BRSK2: variants seen among roughly 807,000 people sequenced by gnomAD.
The protein encoded by BRSK2 is serine/threonine-protein kinase BRSK2.
Under a neutral mutation model 83.3 loss-of-function variants are expected in BRSK2, and 19 were observed. The observed-to-expected ratio is 0.23, with a 90% CI of 0.16 to 0.33. The LOEUF is 0.33. BRSK2 is among the 10% of genes least tolerant of loss of function. The probability of loss-of-function intolerance (pLI) is 1.00; values close to 1 mark genes in which losing one functional copy is unlikely to be tolerated. For missense variants in BRSK2, 798 were observed against 1,042.3 expected, an observed-to-expected ratio of 0.77 and a Z score of 3.23; for synonymous variants, 519 against 435.4, an observed-to-expected ratio of 1.19 and a Z score of -2.39.
intron 1 of BRSK2, among the ~76,000 whole-genome samples, chr11:1,408,972 GTGTGTGTGTGTGTGTA>G: frequency 7.8e-6 from 1 of 128,202 alleles, no homozygotes; most frequent in African/African-American, 2.8e-5. Context: ...GTGCAGGTGT[GTGTGTGTGTGTGTGTA>G]TGTCTGTGCA....
At chr11:1,447,988 GC>G in intron 12 of BRSK2, 2 of 993,774 alleles carry the variant, frequency 2.0e-6, no homozygotes, top group Non-Finnish European at 3.0e-6. Flanking sequence ...CTGCGGTGAA[GC>G]CAGCCAGCAA....
intron 1 of BRSK2, among the ~76,000 whole-genome samples, chr11:1,413,302 C>G (rs1256759550): frequency 6.6e-6 from 1 of 152,124 alleles, no homozygotes; most frequent in South Asian, 2.1e-4. Context: ...AGGAGACCCT[C>G]CCTCTGGCCC....
rs2133241783 is a variant in BRSK2 at position 1,454,675 on chromosome 11, T to C, written c.1668+67T>C. On this transcript the variant is annotated intron_variant, in intron 16 of 19. Transcript: ENST00000528841. This position sits in a 1 kb window ranked among gnomAD's most constrained non-coding sequence, Gnocchi z 5.2. The stretch of plus-strand genomic sequence containing the variant: ...ACCCCACACGGCCCAGCCCCGAGAA[T>C]CCAGCCTCCTCACGTAGACAGGACA... The C allele has an allele frequency of 6.3e-7, 1 of 1,582,718 alleles. No individual in the cohort carries two copies. The highest frequency in any genetic ancestry group is 1.3e-5 in the African/African-American group (1 of 74,362).
Position 1,406,794 on chromosome 11 carries a change from C to CTGCAGCT in BRSK2, c.91+16422_91+16428dup, listed in dbSNP as rs1438468159. Among the ~76,000 whole-genome samples, 180 of 152,292 alleles carry CTGCAGCT rather than the reference C, an allele frequency of 1.2e-3. 2 individuals are homozygous for CTGCAGCT. The highest frequency in any genetic ancestry group is 4.3e-3 in the African/African-American group (178 of 41,568). On this transcript the variant is annotated intron_variant, in intron 1 of 19. Transcript: ENST00000528841. ...GTGGTGGGGCTGGCAGGGTGTCAGC[C>CTGCAGCT]TGCAGCTTGGAAAAGAGGAGCCCAG...
At chr11:1,402,835 C>T (rs574865035) in intron 1 of BRSK2, among the ~76,000 whole-genome samples, 30 of 152,264 alleles carry the variant, frequency 2.0e-4, no homozygotes, top group Non-Finnish European at 4.3e-4. Flanking sequence ...GCGGGAGCGG[C>T]GCTGAGCTCG....
intron 1 of BRSK2, among the ~76,000 whole-genome samples, chr11:1,424,035 T>C (rs1848923188): frequency 6.6e-6 from 1 of 152,146 alleles, no homozygotes; most frequent in African/African-American, 2.4e-5. Context: ...ATCCATAACT[T>C]AGAAACCTCT....
At chr11:1,456,227 G>A in intron 16 of BRSK2, 121 bp from the exon 17 acceptor site, 1 of 1,074,842 alleles carries the variant, frequency 9.3e-7, no homozygotes, top group Non-Finnish European at 1.3e-6. Flanking sequence ...CACGGAAGCA[G>A]AGGTGCCTGG....
intron 16 of BRSK2, among the ~76,000 whole-genome samples, chr11:1,456,095 C>T (rs960348191): frequency 3.9e-5 from 6 of 152,206 alleles, no homozygotes; most frequent in Non-Finnish European, 8.8e-5. Context: ...TGTGCTGTGG[C>T]TGCCTGAGAA....
Position 1,390,959 on chromosome 11 carries a change from A to G in BRSK2, c.91+584A>G, listed in dbSNP as rs1438334019. On this transcript the variant is annotated intron_variant, in intron 1 of 19. Coordinates refer to ENST00000528841, the MANE Select transcript of BRSK2 (RefSeq NM_001256627.2). This position sits in a 1 kb window ranked among gnomAD's most constrained non-coding sequence, Gnocchi z 6.8. Reference sequence around the variant, plus strand: ...GGCTCGGGCGGGCGGAGCGTCTGTGACCTGCATTCCCACGGGGCAGGGAGA... The same window carrying G: ...GGCTCGGGCGGGCGGAGCGTCTGTGGCCTGCATTCCCACGGGGCAGGGAGA... 6.6e-6 allele frequency among the ~76,000 whole-genome samples: 1 copy of G among 152,120 alleles called. No homozygotes were observed. Among genetic ancestry groups the G allele is most frequent in the African/African-American group, 2.4e-5 (1 of 41,440 alleles).
chr11:1,450,898 G>A (rs1845740444), intron 14 of BRSK2, 104 bp downstream of exon 14: 6 of 1,164,108 alleles, frequency 5.2e-6, no homozygotes, highest in Non-Finnish European at 7.1e-6. Context: ...GGGGCCTGTA[G>A]CTGCAGGGGT....
At chr11:1,409,940 C>T (rs1409057864) in intron 1 of BRSK2, 3 of 130,834 alleles carry the variant, frequency 2.3e-5, no homozygotes, top group Admixed American at 7.8e-5. Context: ...ACGTCGGCCT[C>T]GCAGAGCGGT....
chr11:1,417,373 G>A (rs1848198008), intron 1 of BRSK2, among the ~76,000 whole-genome samples: 1 of 152,202 alleles, frequency 6.6e-6, no homozygotes, highest in African/African-American at 2.4e-5. Context: ...CCACGCTGCT[G>A]TTCAGCCAAT....
At chr11:1,414,728 C>T (rs1054262138) in intron 1 of BRSK2, among the ~76,000 whole-genome samples, 7 of 152,220 alleles carry the variant, frequency 4.6e-5, no homozygotes, top group Non-Finnish European at 7.3e-5. Flanking sequence ...AGGGACCCTG[C>T]GCCACACGTT....
Position 1,456,369 on chromosome 11 carries a change from G to A in BRSK2, c.1690G>A (p.Val564Ile), listed in dbSNP as rs773917255. The A allele has an allele frequency of 3.2e-6, 5 of 1,579,000 alleles. No individual in the cohort carries two copies. The highest frequency in any genetic ancestry group is 3.4e-6 in the Non-Finnish European group (4 of 1,163,312). ...FLSIPSLSHS[V>I]ISQTSFRAEY... ...ACAGATTCCCAGTCTCAGCCACAGC[G>A]TCATCTCCCAAACGAGCTTCCGGGC... is the stretch of plus-strand genomic sequence containing the variant. Residue 564 changes from valine (V) to isoleucine (I), a missense_variant, in exon 17 of 20, where the codon GTC (valine) becomes ATC (isoleucine). This residue lies in a region of BRSK2 where 455 missense variants were observed against 455.2 expected (regional missense o/e 1.00). Coordinates refer to ENST00000528841, the MANE Select transcript of BRSK2 (RefSeq NM_001256627.2).
Position 1,460,932 on chromosome 11 carries a change from G to A in BRSK2, c.*209G>A. On this transcript the variant is annotated 3_prime_UTR_variant, in exon 20 of 20. Transcript: ENST00000528841. ...TTTCTCTCTGTCTCTGCCTCTGCCT[G>A]TCTCTGACAGCATCGCTTGTTTCCA... 6.2e-7 allele frequency: 1 copy of A among 1,612,150 alleles called. No individual in the cohort carries two copies. The highest frequency in any genetic ancestry group is 1.1e-5 in the South Asian group (1 of 90,996).
chr11:1,428,794 T>C (rs1849542694), intron 1 of BRSK2, among the ~76,000 whole-genome samples: 1 of 151,466 alleles, frequency 6.6e-6, no homozygotes, highest in Admixed American at 6.6e-5. Flanking sequence ...TGTGTGTGCA[T>C]GTGCACTGGG....
chr11:1,403,563 T>C (rs890564810), intron 1 of BRSK2, among the ~76,000 whole-genome samples: 1 of 152,176 alleles, frequency 6.6e-6, no homozygotes, highest in African/African-American at 2.4e-5. Flanking sequence ...CGGTTGGAGC[T>C]GGCTGTTTGG....
intron 1 of BRSK2, among the ~76,000 whole-genome samples, chr11:1,408,749 G>A (rs1048487968): frequency 5.4e-5 from 8 of 147,406 alleles, no homozygotes; most frequent in Admixed American, 3.4e-4. Context: ...GTGTGTGCAC[G>A]TCTGCCTGTG....
chr11:1,429,588 C>T (rs1208154400), intron 1 of BRSK2, among the ~76,000 whole-genome samples: 31 of 144,974 alleles, frequency 2.1e-4, no homozygotes, highest in South Asian at 6.9e-4. Flanking sequence ...CAGCAGTGAG[C>T]GTCTTCTGCG....
Sources: gnomAD v4.1 joint callset for allele counts (sites outside exome capture counted in the v4.1 genomes callset) on GRCh38, gnomAD v4.1.1 for gene constraint, gnomAD v4.1.1 regional missense constraint, Gnocchi (gnomAD v3.1) non-coding constraint, MANE v1.5 for transcripts, NCBI Gene and HGNC (gene_info 2026-07-23, HGNC 2026-07-21) for gene names.